NTM: variants seen among roughly 807,000 people sequenced by gnomAD.
The protein encoded by NTM is neurotrimin.
Under a neutral mutation model 42.1 loss-of-function variants are expected in NTM, and 13 were observed. That is an observed-to-expected ratio of 0.31 (90% CI 0.20 to 0.49). The LOEUF (loss-of-function observed/expected upper bound fraction) is 0.49, where lower values mean the gene tolerates loss of function less well. NTM is among the 20% of genes least tolerant of loss of function. The probability of loss-of-function intolerance (pLI) is 0.99; values close to 1 mark genes in which losing one functional copy is unlikely to be tolerated. For synonymous variants in NTM, 187 were observed against 179.2 expected (o/e 1.04, Z -0.35); for missense variants, 373 against 452.8 (o/e 0.82, Z 1.60).
chr11:132,258,203 C>G (rs2092625454), intron 4 of NTM, among the ~76,000 whole-genome samples: 1 of 152,178 alleles, frequency 6.6e-6, no homozygotes, highest in Admixed American at 6.5e-5. Flanking sequence ...ACGAGTTGGT[C>G]TGGCAGAAAG....
At chr11:132,318,726 G>A (rs1374771477) in intron 7 of NTM, among the ~76,000 whole-genome samples, 1 of 152,108 alleles carries the variant, frequency 6.6e-6, no homozygotes. Flanking sequence ...AGCCAGGGAG[G>A]GGAATGCTTC....
intron 1 of NTM, among the ~76,000 whole-genome samples, chr11:131,607,498 C>T (rs144666936): frequency 9.2e-5 from 14 of 152,286 alleles, no homozygotes; most frequent in African/African-American, 3.1e-4. Flanking sequence ...CATGACATGA[C>T]CCATAATTGC....
At chr11:132,082,101 A>G (rs1410586028) in intron 2 of NTM, among the ~76,000 whole-genome samples, 1 of 151,868 alleles carries the variant, frequency 6.6e-6, no homozygotes, top group African/African-American at 2.4e-5. Flanking sequence ...AAGCTTCATC[A>G]AGGTTAAAAC....
chr11:131,649,619 C>A (rs570719419), intron 1 of NTM, among the ~76,000 whole-genome samples: 1 of 152,078 alleles, frequency 6.6e-6, no homozygotes, highest in Non-Finnish European at 1.5e-5. Context: ...TTAATCGCCT[C>A]GTTCAGCAGA....
At chr11:131,864,400 C>A (rs567086274) in intron 1 of NTM, among the ~76,000 whole-genome samples, 1 of 152,134 alleles carries the variant, frequency 6.6e-6, no homozygotes, top group Non-Finnish European at 1.5e-5. Context: ...GAACTCCTCC[C>A]GCTGGACTGA....
At position 131,874,692 on chromosome 11, in the gene NTM, G is replaced by A. The variant is rs116757943; in HGVS notation, c.83-36872G>A. Among the ~76,000 whole-genome samples, 906 of 152,172 alleles carry A rather than the reference G, an allele frequency of 6.0e-3. 12 individuals carry two copies. The highest frequency in any genetic ancestry group is 0.021 in the African/African-American group (863 of 41,504). On this transcript the variant is annotated intron_variant, in intron 1 of 8. Transcript: ENST00000683400. Reference sequence around the variant, plus strand: ...TATTCCTTCTAAAACTGCCTAAATTGTTCTCTAAACTAGTTCATCTAAATG... The same window carrying A: ...TATTCCTTCTAAAACTGCCTAAATTATTCTCTAAACTAGTTCATCTAAATG...
chr11:131,405,108 C>T (rs1346495133), intron 1 of NTM, among the ~76,000 whole-genome samples: 1 of 152,164 alleles, frequency 6.6e-6, no homozygotes, highest in Non-Finnish European at 1.5e-5. Flanking sequence ...ACGCTTCAAC[C>T]TAAGGCAGGG....
chr11:131,555,210 TA>T (rs2055245855), intron 1 of NTM, among the ~76,000 whole-genome samples: 1 of 152,208 alleles, frequency 6.6e-6, no homozygotes, highest in African/African-American at 2.4e-5. Flanking sequence ...TTCAATACAG[TA>T]AATTCCATAC....
At chr11:131,481,950 A>G (rs554801178) in intron 1 of NTM, among the ~76,000 whole-genome samples, 33 of 152,326 alleles carry the variant, frequency 2.2e-4, no homozygotes, top group African/African-American at 7.7e-4. Context: ...GGAACCAATG[A>G]TGAGGGCATA....
At chr11:131,811,966 T>C (rs910672118) in intron 1 of NTM, among the ~76,000 whole-genome samples, 8 of 152,216 alleles carry the variant, frequency 5.3e-5, no homozygotes, top group African/African-American at 1.9e-4. Context: ...GTATTTACAG[T>C]AGATGATGCT....
intron 1 of NTM, among the ~76,000 whole-genome samples, chr11:131,741,033 C>A (rs371700063): frequency 1.1e-4 from 17 of 152,116 alleles, no homozygotes; most frequent in African/African-American, 4.1e-4. Context: ...GGCATGGTGG[C>A]AAGTGCCTGT....
At chr11:131,747,627 G>C (rs927938486) in intron 1 of NTM, among the ~76,000 whole-genome samples, 1 of 152,090 alleles carries the variant, frequency 6.6e-6, no homozygotes, top group African/African-American at 2.4e-5. Flanking sequence ...CAGTTCTGTG[G>C]GGCCACATGG....
chr11:131,797,471 A>G lies in NTM; in HGVS notation c.83-114093A>G, dbSNP rs967468436. On this transcript the variant is annotated intron_variant, in intron 1 of 8. Transcript: ENST00000683400. ...GGCAACACATTTGTTTATTCCGGATAGAATCGAAGGAAATATGAGACAAAT... is the reference window on the plus strand; with the variant it reads ...GGCAACACATTTGTTTATTCCGGATGGAATCGAAGGAAATATGAGACAAAT... Among the ~76,000 whole-genome samples the G allele has an allele frequency of 1.6e-4, 25 of 152,242 alleles. 1 individual carries two copies. The highest frequency in any genetic ancestry group is 2.0e-4 in the Admixed American group (3 of 15,290).
At chr11:131,531,233 TC>T (rs1364333840) in intron 1 of NTM, among the ~76,000 whole-genome samples, 1 of 152,084 alleles carries the variant, frequency 6.6e-6, no homozygotes, top group Non-Finnish European at 1.5e-5. Context: ...TCTCCTGAGC[TC>T]AAGTGATCCT....
At chr11:131,913,202 TC>T (rs1420061979) in intron 2 of NTM, among the ~76,000 whole-genome samples, 6 of 152,224 alleles carry the variant, frequency 3.9e-5, no homozygotes, top group African/African-American at 1.4e-4. Flanking sequence ...GCAGTAATAA[TC>T]AAGGAAATTT....
chr11:131,704,367 C>T lies in NTM; in HGVS notation c.83-207197C>T, dbSNP rs559892153. 3.9e-5 allele frequency among the ~76,000 whole-genome samples: 6 copies of T among 152,306 alleles called. No individual in the cohort carries two copies. The East Asian group carries it at 7.7e-4, about 20-fold the overall frequency. On this transcript the variant is annotated intron_variant, in intron 1 of 8. Transcript: ENST00000683400. ...CTCCTGTAGACCCAAGTTCCAGGCTCATTCATCCACTGACCCAGACACAGC... is the reference window on the plus strand; with the variant it reads ...CTCCTGTAGACCCAAGTTCCAGGCTTATTCATCCACTGACCCAGACACAGC...
intron 4 of NTM, among the ~76,000 whole-genome samples, chr11:132,279,339 C>T (rs2139812451): frequency 6.6e-6 from 1 of 152,258 alleles, no homozygotes; most frequent in South Asian, 2.1e-4. Context: ...TAGACTTGGC[C>T]TCTGCTTCCT....
chr11:132,145,194 A>C (rs1463401557), intron 2 of NTM, among the ~76,000 whole-genome samples: 1 of 152,242 alleles, frequency 6.6e-6, no homozygotes, highest in Non-Finnish European at 1.5e-5. Flanking sequence ...TGGACAAGTC[A>C]TCAGGCTATT....
chr11:131,763,302 A>G (rs2084527774), intron 1 of NTM, among the ~76,000 whole-genome samples: 1 of 152,204 alleles, frequency 6.6e-6, no homozygotes, highest in African/African-American at 2.4e-5. Flanking sequence ...AACCAAAGAA[A>G]TGTGGTGATG....
Sources: allele counts gnomAD v4.1 joint callset (sites outside exome capture counted in the v4.1 genomes callset), GRCh38; gene constraint gnomAD v4.1.1; transcripts MANE v1.5; gene names NCBI Gene and HGNC (gene_info 2026-07-23, HGNC 2026-07-21).